NOS1AP: variants seen among roughly 807,000 people sequenced by gnomAD.
The protein encoded by NOS1AP is carboxyl-terminal PDZ ligand of neuronal nitric oxide synthase protein.
A neutral mutation model predicts 56.2 loss-of-function variants in NOS1AP; 21 were observed. That is an observed-to-expected ratio of 0.37 (90% CI 0.26 to 0.54). The LOEUF (loss-of-function observed/expected upper bound fraction) is 0.54, where lower values mean the gene tolerates loss of function less well. Among genes scored for constraint, NOS1AP ranks in the 20% least tolerant of loss-of-function variants. The pLI, the probability that NOS1AP is intolerant of heterozygous loss-of-function variation, is 0.84. For missense variants in NOS1AP, 522 were observed against 657.8 expected, an observed-to-expected ratio of 0.79 and a Z score of 2.26; for synonymous variants, 270 against 274.6, an observed-to-expected ratio of 0.98 and a Z score of 0.17.
At chr1:162,297,377 C>A (rs183358578) in intron 3 of NOS1AP, among the ~76,000 whole-genome samples, 3 of 152,318 alleles carry the variant, frequency 2.0e-5, no homozygotes, top group Admixed American at 1.3e-4. Context: ...AGTGTTTATG[C>A]CACCGCAGCC....
chr1:162,152,977 A>G (rs1301932768), intron 1 of NOS1AP, among the ~76,000 whole-genome samples: 2 of 152,128 alleles, frequency 1.3e-5, no homozygotes, highest in African/African-American at 2.4e-5. Flanking sequence ...TTTATGTATA[A>G]TAAGGAAAGG....
At chr1:162,237,549 A>G (rs1265521060) in intron 2 of NOS1AP, among the ~76,000 whole-genome samples, 1 of 152,232 alleles carries the variant, frequency 6.6e-6, no homozygotes, top group Non-Finnish European at 1.5e-5. Context: ...ATACTGGTCA[A>G]TCTGGACTTT....
chr1:162,109,532 G>A (rs1647636482), intron 1 of NOS1AP, among the ~76,000 whole-genome samples: 1 of 152,146 alleles, frequency 6.6e-6, no homozygotes, highest in Non-Finnish European at 1.5e-5. Context: ...GAGTCGCCCT[G>A]TGTTGGTGGT....
chr1:162,183,560 A>G (rs1300601429), intron 2 of NOS1AP, among the ~76,000 whole-genome samples: 4 of 152,214 alleles, frequency 2.6e-5, no homozygotes, highest in Non-Finnish European at 5.9e-5. Flanking sequence ...TCTGTTGTTT[A>G]GTGTAGCCAC....
At chr1:162,276,809 G>A (rs535845741) in intron 2 of NOS1AP, among the ~76,000 whole-genome samples, 1 of 152,186 alleles carries the variant, frequency 6.6e-6, no homozygotes, top group Non-Finnish European at 1.5e-5. Context: ...TATCATTTAT[G>A]TATGAGAGTT....
chr1:162,192,227 A>C (rs1320628265), intron 2 of NOS1AP, among the ~76,000 whole-genome samples: 1 of 152,144 alleles, frequency 6.6e-6, no homozygotes, highest in Admixed American at 6.5e-5. Flanking sequence ...ATGTGTGCTC[A>C]AGCTTGACAA....
chr1:162,224,963 A>G (rs1349882322), intron 2 of NOS1AP, among the ~76,000 whole-genome samples: 1 of 152,222 alleles, frequency 6.6e-6, no homozygotes, highest in Non-Finnish European at 1.5e-5. Context: ...GTGAGCATTG[A>G]AAAAGAAGCA....
chr1:162,139,100 G>C (rs926420321), intron 1 of NOS1AP, among the ~76,000 whole-genome samples: 1 of 146,324 alleles, frequency 6.8e-6, no homozygotes, highest in African/African-American at 2.8e-5. Flanking sequence ...GCTCTGGCTT[G>C]GGGCATGTTG....
intron 4 of NOS1AP, among the ~76,000 whole-genome samples, chr1:162,304,351 T>C (rs1655748647): frequency 6.6e-6 from 1 of 152,272 alleles, no homozygotes; most frequent in Non-Finnish European, 1.5e-5. Flanking sequence ...CTCTTTATTC[T>C]GTCCTATTTG....
intron 2 of NOS1AP, among the ~76,000 whole-genome samples, chr1:162,219,222 CAT>C (rs1652684589): frequency 6.6e-6 from 1 of 152,188 alleles, no homozygotes; most frequent in South Asian, 2.1e-4. Flanking sequence ...TGATCGATGA[CAT>C]AAAATATGTC....
intron 1 of NOS1AP, among the ~76,000 whole-genome samples, chr1:162,143,009 T>C (rs2102077397): frequency 6.6e-6 from 1 of 152,330 alleles, no homozygotes; most frequent in Non-Finnish European, 1.5e-5. Context: ...ATGACTGCAC[T>C]GCAGACCCCA....
intron 4 of NOS1AP, among the ~76,000 whole-genome samples, chr1:162,327,655 A>G (rs1025505032): frequency 1.3e-5 from 2 of 152,238 alleles, no homozygotes; most frequent in Non-Finnish European, 2.9e-5. Context: ...TGAGCATTTG[A>G]GTAGACTACA....
chr1:162,250,442 A>G (rs1036496656), intron 2 of NOS1AP, among the ~76,000 whole-genome samples: 5 of 152,266 alleles, frequency 3.3e-5, no homozygotes, highest in African/African-American at 1.2e-4. Context: ...GCAAAACAGC[A>G]GCAGAAGCAG....
intron 2 of NOS1AP, among the ~76,000 whole-genome samples, chr1:162,177,174 G>A (rs1651091021): frequency 6.6e-6 from 1 of 152,180 alleles, no homozygotes; most frequent in African/African-American, 2.4e-5. Context: ...TAATCCAGGA[G>A]GTGATATGGG....
At chr1:162,162,341 TAG>T (rs1393051406) in intron 2 of NOS1AP, among the ~76,000 whole-genome samples, 1 of 152,216 alleles carries the variant, frequency 6.6e-6, no homozygotes, top group Non-Finnish European at 1.5e-5. Flanking sequence ...GTCGTTGGAA[TAG>T]AGAGACGAAA....
chr1:162,219,633 A>T (rs946452126), intron 2 of NOS1AP, among the ~76,000 whole-genome samples: 2 of 152,202 alleles, frequency 1.3e-5, no homozygotes, highest in African/African-American at 4.8e-5. Context: ...GCTGGAGACA[A>T]TGTTAATCTT....
Position 162,217,267 on chromosome 1 carries a change from C to CTTTT in NOS1AP, c.177+62802_177+62805dup, listed in dbSNP as rs61378473. Among the ~76,000 whole-genome samples the CTTTT allele has an allele frequency of 2.5e-4, 17 of 68,368 alleles. 3 individuals are homozygous for CTTTT. Among genetic ancestry groups the CTTTT allele is most frequent in the South Asian group, 5.7e-4 (1 of 1,758 alleles). The allele number at this position is 68,368 out of a possible 152,430, so 44.9% of individuals were successfully genotyped here. The stretch of plus-strand genomic sequence containing the variant: ...TGGGTCCTGAAACAGCTGTTGTTAG[C>CTTTT]TTTTTTTTTTTTTTGAGATGAAGTC... On this transcript the variant is annotated intron_variant, in intron 2 of 9. Transcript: ENST00000361897.
Position 162,357,053 on chromosome 1 carries a change from C to A in NOS1AP, c.856C>A (p.Pro286Thr), listed in dbSNP as rs141668480. 6.2e-7 allele frequency: 1 copy of A among 1,613,508 alleles called. No homozygotes were observed. Among genetic ancestry groups the A allele is most frequent in the African/African-American group, 1.3e-5 (1 of 75,032 alleles). Residue 286 changes from proline to threonine, a missense_variant, in exon 8 of 10, where the codon CCG becomes ACG. Physicochemically the swap from Pro to Thr is conservative, Grantham distance 38 (BLOSUM62 -1). This residue lies in a region of NOS1AP where 178 missense variants were observed against 165.0 expected (regional missense o/e 1.08). Transcript: ENST00000361897. The stretch of plus-strand genomic sequence containing the variant: ...GCCTCCAGGCCTGGGCACAGAGACA[C>A]CGCTGTCCACTCACCACCAGATGCA... ...SKPPGLGTET[P>T]LSTHHQMQLL...
intron 3 of NOS1AP, among the ~76,000 whole-genome samples, chr1:162,292,115 A>G (rs1049292005): frequency 2.0e-5 from 3 of 152,240 alleles, no homozygotes; most frequent in Non-Finnish European, 2.9e-5. Flanking sequence ...TGTGTCTACC[A>G]TGTTCAAGGA....
Sources: allele counts gnomAD v4.1 joint callset (sites outside exome capture counted in the v4.1 genomes callset), GRCh38; gene constraint gnomAD v4.1.1; regional missense constraint gnomAD v4.1.1; transcripts MANE v1.5; gene names NCBI Gene and HGNC (gene_info 2026-07-23, HGNC 2026-07-21).